RPGRIP1: variants seen among roughly 807,000 people sequenced by gnomAD.
RPGRIP1 encodes the protein RPGR interacting protein 1.
In RPGRIP1, 128 loss-of-function variants were observed where a neutral mutation model predicts 157.9. The observed-to-expected ratio is 0.81, with a 90% CI of 0.70 to 0.94. The LOEUF (loss-of-function observed/expected upper bound fraction) is 0.94. Among genes scored for constraint, RPGRIP1 ranks in the 40% least tolerant of loss-of-function variants. The pLI is 0.00. For missense variants in RPGRIP1, 1,486 were observed against 1,545.8 expected, an observed-to-expected ratio of 0.96 and a Z score of 0.65; for synonymous variants, 554 against 571.6, an observed-to-expected ratio of 0.97 and a Z score of 0.44.
chr14:21,308,660 G>C (rs1311686965), intron 7 of RPGRIP1, among the ~76,000 whole-genome samples: 1 of 152,196 alleles, frequency 6.6e-6, no homozygotes, highest in African/African-American at 2.4e-5. Context: ...TTAAGGAGCG[G>C]AGAGTTTAAT....
In RPGRIP1 at chr14:21,283,749, C is replaced by T. The variant is rs545562121; in HGVS notation, c.-39+3590C>T. Among the ~76,000 whole-genome samples, 5 of 152,124 alleles carry T rather than the reference C, an allele frequency of 3.3e-5. No individual in the cohort carries two copies. In the East Asian group the frequency reaches 7.7e-4, roughly 23 times the overall value. ...CTTGGCTCACTGCAATCTCCACCTGCCGGGTTGAAGCGATTCTCCTGCCTC... is the reference window on the plus strand; with the variant it reads ...CTTGGCTCACTGCAATCTCCACCTGTCGGGTTGAAGCGATTCTCCTGCCTC... On this transcript the variant is annotated intron_variant, in intron 1 of 24. Coordinates refer to ENST00000400017, the MANE Select transcript of RPGRIP1 (RefSeq NM_020366.4).
chr14:21,345,930 C>T (rs1885523706), intron 23 of RPGRIP1, among the ~76,000 whole-genome samples: 1 of 152,052 alleles, frequency 6.6e-6, no homozygotes, highest in South Asian at 2.1e-4. Flanking sequence ...AGCGATTCTT[C>T]TGCCTGAGCC....
intron 22 of RPGRIP1, among the ~76,000 whole-genome samples, chr14:21,344,657 C>T (rs907997859): frequency 2.0e-5 from 3 of 152,044 alleles, no homozygotes; most frequent in South Asian, 2.1e-4. Flanking sequence ...TTCAGAATTT[C>T]GAAGGAGCCT....
intron 19 of RPGRIP1, 106 bp downstream of exon 19, chr14:21,328,733 C>T: frequency 1.2e-6 from 1 of 815,044 alleles, no homozygotes; most frequent in Non-Finnish European, 1.9e-6. Flanking sequence ...ACAAGATAAG[C>T]ACTAATCGGC....
At chr14:21,328,008 A>C (rs1250395513) in intron 18 of RPGRIP1, among the ~76,000 whole-genome samples, 1 of 152,196 alleles carries the variant, frequency 6.6e-6, no homozygotes, top group East Asian at 1.9e-4. Flanking sequence ...GCCTCTACTA[A>C]AAATACAAAA....
At chr14:21,323,394 C>A (rs1241346455) in intron 14 of RPGRIP1, among the ~76,000 whole-genome samples, 1 of 151,416 alleles carries the variant, frequency 6.6e-6, no homozygotes, top group Non-Finnish European at 1.5e-5. Context: ...GCATTCCAGC[C>A]TAGGCAACAA....
At chr14:21,321,583 T>TAGTGCCAAGGTGCCG in intron 13 of RPGRIP1, 181 bp downstream of exon 13, 1 of 1,298,198 alleles carries the variant, frequency 7.7e-7, no homozygotes, top group Non-Finnish European at 1.0e-6. Context: ...CCACGGCACC[T>TAGTGCCAAGGTGCCG]TGGCACTAGG....
At chr14:21,294,240 T>G (rs1330940715) in intron 2 of RPGRIP1, among the ~76,000 whole-genome samples, 10 of 151,630 alleles carry the variant, frequency 6.6e-5, no homozygotes, top group Admixed American at 2.6e-4. Flanking sequence ...TTTGTTTTTT[T>G]TTTTTTCCAA....
At chr14:21,346,362 C>T (rs1345570597) in intron 23 of RPGRIP1, among the ~76,000 whole-genome samples, 4 of 151,946 alleles carry the variant, frequency 2.6e-5, no homozygotes, top group South Asian at 2.1e-4. Flanking sequence ...CCAGCCTGGC[C>T]GACATGGTGA....
In RPGRIP1 at chr14:21,287,955, T is replaced by C. The variant is rs1393215879; in HGVS notation, c.-22T>C. 2.5e-6 allele frequency: 4 copies of C among 1,578,932 alleles called. No homozygotes were observed. The highest frequency in any genetic ancestry group is 3.5e-6 in the Non-Finnish European group (4 of 1,150,654). On this transcript the variant is annotated 5_prime_UTR_variant, in exon 2 of 25. Transcript: ENST00000400017. ...TTATTTCAGTGTCCTCTGGGATCTC[T>C]TACAGCTTGGGAACAGAGATCATGT...
intron 2 of RPGRIP1, among the ~76,000 whole-genome samples, chr14:21,294,470 T>C (rs1025024271): frequency 1.3e-5 from 2 of 152,098 alleles, no homozygotes; most frequent in African/African-American, 4.8e-5. Flanking sequence ...CCTCACAATC[T>C]GCCTGCCTCA....
chr14:21,292,517 G>A (rs998663230), intron 2 of RPGRIP1, among the ~76,000 whole-genome samples: 3 of 152,058 alleles, frequency 2.0e-5, no homozygotes, highest in African/African-American at 4.8e-5. Context: ...GCCCAGCCTG[G>A]GCAACATGGT....
At chr14:21,346,484 G>A (rs760591259) in intron 23 of RPGRIP1, among the ~76,000 whole-genome samples, 3 of 152,112 alleles carry the variant, frequency 2.0e-5, no homozygotes, top group African/African-American at 4.8e-5. Flanking sequence ...TTTGGGAGGC[G>A]GAGGTTGCAG....
rs1484443683 is a variant in RPGRIP1, at chr14:21,295,727, C to T, written c.218+918C>T. Among the ~76,000 whole-genome samples, 5 of 152,090 alleles carry T rather than the reference C, an allele frequency of 3.3e-5. No homozygotes were observed. The East Asian group carries it at 5.8e-4, about 18-fold the overall frequency. ...TTGACCTCAGGTGATCCGCCTGCCTCGGCCTCCCAAATTGCTGGGATTACA... is the reference window on the plus strand; with the variant it reads ...TTGACCTCAGGTGATCCGCCTGCCTTGGCCTCCCAAATTGCTGGGATTACA... On this transcript the variant is annotated intron_variant, in intron 3 of 24. Coordinates refer to ENST00000400017, the MANE Select transcript of RPGRIP1 (RefSeq NM_020366.4).
At chr14:21,326,316 A>G (rs886368867) in intron 17 of RPGRIP1, 143 bp downstream of exon 17, 25 of 599,108 alleles carry the variant, frequency 4.2e-5, no homozygotes, top group Non-Finnish European at 6.0e-5. Flanking sequence ...GTCAAGAGCA[A>G]CAGAGCAGAA....
chr14:21,346,481 G>C (rs1885583415), intron 23 of RPGRIP1, among the ~76,000 whole-genome samples: 1 of 152,208 alleles, frequency 6.6e-6, no homozygotes, highest in South Asian at 2.1e-4. Flanking sequence ...GAATTTGGGA[G>C]GCGGAGGTTG....
chr14:21,321,776 C>T, intron 13 of RPGRIP1, 78 bp from the exon 14 acceptor site: 5 of 1,417,126 alleles, frequency 3.5e-6, no homozygotes, highest in Non-Finnish European at 3.9e-6. Flanking sequence ...TCTTCTTGAC[C>T]TAGCCAGTGC....
At chr14:21,337,466 CTTG>C (rs1884488005) in intron 21 of RPGRIP1, among the ~76,000 whole-genome samples, 2 of 124,958 alleles carry the variant, frequency 1.6e-5, no homozygotes, top group South Asian at 4.6e-4. Context: ...GAGATAGAGT[CTTG>C]TTCTGTTGCC....
At position 21,324,654 on chromosome 14, in the gene RPGRIP1, TGTC is replaced by T. The variant is rs781272475; in HGVS notation, c.1802_1804del (p.Ser601del). 16 of 1,613,866 alleles carry T rather than the reference TGTC, an allele frequency of 9.9e-6. No homozygotes were observed. In the Admixed American group the frequency reaches 2.7e-4, roughly 27 times the overall value. Reference sequence around the variant, plus strand: ...GATGTTGCTTATGGCACCCGACCGTTGTCGTTATGTTTGGAAACACTGCCAGCC... The same window carrying T: ...GATGTTGCTTATGGCACCCGACCGTTGTTATGTTTGGAAACACTGCCAGCC... On this transcript the variant is annotated inframe_deletion, in exon 15 of 25. Coordinates refer to ENST00000400017, the MANE Select transcript of RPGRIP1 (RefSeq NM_020366.4).
Sources: allele counts gnomAD v4.1 joint callset (sites outside exome capture counted in the v4.1 genomes callset), GRCh38; gene constraint gnomAD v4.1.1; transcripts MANE v1.5; gene names NCBI Gene and HGNC (gene_info 2026-07-23, HGNC 2026-07-21).